Variants in TRIP12 observed in about 807,000 individuals in gnomAD.
The protein encoded by TRIP12 is E3 ubiquitin-protein ligase TRIP12.
In TRIP12, 25 loss-of-function variants were observed where a neutral mutation model predicts 244.2. That is an observed-to-expected ratio of 0.10 (90% CI 0.07 to 0.14). The LOEUF (loss-of-function observed/expected upper bound fraction) is 0.14. TRIP12 is among the 10% of genes least tolerant of loss of function. The pLI is 1.00. For synonymous variants in TRIP12, 905 were observed against 873.1 expected (o/e 1.04, Z -0.64); for missense variants, 1,677 against 2,486.4 (o/e 0.67, Z 6.92).
chr2:229,840,952 T>C (rs980788619), intron 4 of TRIP12, 25 bp from the exon 5 acceptor site: 1 of 1,481,046 alleles, frequency 6.8e-7, no homozygotes. Flanking sequence ...TGGAAAAGTG[T>C]AATTTTATAA....
chr2:229,899,253 A>C (rs987983462), intron 1 of TRIP12, among the ~76,000 whole-genome samples: 5 of 152,178 alleles, frequency 3.3e-5, no homozygotes, highest in South Asian at 2.1e-4. Flanking sequence ...TTATATACGC[A>C]ATCACTTTTT....
At chr2:229,903,785 G>C (rs186629236) in intron 1 of TRIP12, among the ~76,000 whole-genome samples, 76 of 151,268 alleles carry the variant, frequency 5.0e-4, no homozygotes, top group African/African-American at 1.6e-3. Flanking sequence ...GGATGCCAAA[G>C]CAGACAGATC....
Position 229,767,477 on chromosome 2 carries a change from C to A in TRIP12, c.*77G>T. Reference sequence around the variant, plus strand: ...GAAGGCGTAACATGTTTCCTTGACTCAGGTGATAACATTAGAAAAGAAATC... The same window carrying A: ...GAAGGCGTAACATGTTTCCTTGACTAAGGTGATAACATTAGAAAAGAAATC... On this transcript the variant is annotated 3_prime_UTR_variant, in exon 42 of 42. Coordinates refer to ENST00000675903, the MANE Select transcript of TRIP12 (RefSeq NM_001348323.3). The A allele has an allele frequency of 6.8e-7, 1 of 1,475,424 alleles. No homozygotes were observed. The highest frequency in any genetic ancestry group is 9.0e-7 in the Non-Finnish European group (1 of 1,107,160). The allele number at this position is 1,475,424 out of a possible 1,614,324, so 91.4% of individuals were successfully genotyped here.
At chr2:229,814,505 A>G in intron 11 of TRIP12, 180 bp from the exon 12 acceptor site, 1 of 508,708 alleles carries the variant, frequency 2.0e-6, no homozygotes, top group Non-Finnish European at 3.4e-6. Flanking sequence ...GTTTCCTTCT[A>G]ACCAGTTTGC....
chr2:229,871,999 A>G (rs2062688067), intron 2 of TRIP12, among the ~76,000 whole-genome samples: 1 of 151,736 alleles, frequency 6.6e-6, no homozygotes. Flanking sequence ...ACCTGAAACC[A>G]AATGATGAAA....
intron 37 of TRIP12, among the ~76,000 whole-genome samples, chr2:229,774,950 A>G (rs940260328): frequency 6.6e-6 from 1 of 152,242 alleles, no homozygotes; most frequent in African/African-American, 2.4e-5. Flanking sequence ...TGAAAGGCCC[A>G]TGTAAATTTT....
Position 229,788,858 on chromosome 2 carries a change from T to C in TRIP12, c.4778A>G (p.Asp1593Gly), listed in dbSNP as rs1182712998. ...GTTTCCTGTCATGATTACTAAAGGA[T>C]CTTGAAGTTGCCTATTTGCTTTTGC... is the stretch of plus-strand genomic sequence containing the variant. ...LTAKANRQLQ[D>G]PLVIMTGNIP... Residue 1593 changes from aspartate to glycine, a missense_variant, in exon 32 of 42, where the codon GAT becomes GGT. Around this residue, in one of 11 missense-constraint regions of TRIP12, gnomAD observed 265 missense variants for 370.8 expected, o/e 0.71. Coordinates refer to ENST00000675903, the MANE Select transcript of TRIP12 (RefSeq NM_001348323.3). The C allele has an allele frequency of 6.2e-7, 1 of 1,614,074 alleles. No individual in the cohort carries two copies. Among genetic ancestry groups the C allele is most frequent in the South Asian group, 1.1e-5 (1 of 91,082 alleles).
rs79432450 is a variant in TRIP12 at position 229,823,070 on chromosome 2, G to A, written c.1451-4558C>T. ...AAATAAAACAGAGCCAGAGAGACAT[G>A]CTGGATGCAGTGTAAAGTTTAAATG... is the stretch of plus-strand genomic sequence containing the variant. On this transcript the variant is annotated intron_variant, in intron 8 of 41. Coordinates refer to ENST00000675903, the MANE Select transcript of TRIP12 (RefSeq NM_001348323.3). 1.2e-3 allele frequency among the ~76,000 whole-genome samples: 181 copies of A among 152,290 alleles called. 2 individuals are homozygous for A. The East Asian group carries it at 0.017, about 15-fold the overall frequency.
rs2032264882 is a variant in TRIP12 at position 229,767,756 on chromosome 2, T to C, written c.6008-6A>G. The C allele has an allele frequency of 1.9e-6, 3 of 1,599,424 alleles. No individual in the cohort carries two copies. The highest frequency in any genetic ancestry group is 1.7e-4 in the Middle Eastern group (1 of 5,992). On this transcript the variant is annotated splice_polypyrimidine_tract_variant and splice_region_variant and intron_variant, in intron 41 of 41. Transcript: ENST00000675903. ...TGGATTCAAACTCCGGAATCCTGAT[T>C]AAGAGAAAAAGAAAGACAAGGAACT...
chr2:229,876,044 T>C (rs181281543), intron 2 of TRIP12, among the ~76,000 whole-genome samples: 79 of 152,084 alleles, frequency 5.2e-4, no homozygotes, highest in African/African-American at 1.6e-3. Context: ...GAGGCTGAAG[T>C]GGGTGGATCA....
At chr2:229,824,410 T>C (rs2050933835) in intron 8 of TRIP12, among the ~76,000 whole-genome samples, 1 of 152,110 alleles carries the variant, frequency 6.6e-6, no homozygotes, top group African/African-American at 2.4e-5. Context: ...AAACATCGTA[T>C]GCATTTACAC....
At position 229,913,318 on chromosome 2, in the gene TRIP12, TAC is replaced by T. The variant is rs542582770; in HGVS notation, c.-50+8560_-50+8561del. Among the ~76,000 whole-genome samples the T allele has an allele frequency of 2.6e-5, 4 of 152,340 alleles. No homozygotes were observed. In the South Asian group the frequency reaches 6.2e-4, roughly 24 times the overall value. On this transcript the variant is annotated intron_variant, in intron 1 of 41. Transcript: ENST00000675903. ...CTATGCTAAATACTATACTCCTATATACAGTTTTAGACAAATAAGCTGTGATG... is the reference window on the plus strand; with the variant it reads ...CTATGCTAAATACTATACTCCTATATAGTTTTAGACAAATAAGCTGTGATG...
At chr2:229,897,541 C>T (rs916853572) in intron 1 of TRIP12, among the ~76,000 whole-genome samples, 10 of 152,038 alleles carry the variant, frequency 6.6e-5, no homozygotes, top group East Asian at 1.9e-4. Flanking sequence ...CCAGTTACAC[C>T]GGAGGCTGAG....
intron 1 of TRIP12, among the ~76,000 whole-genome samples, chr2:229,889,127 A>T (rs907070743): frequency 6.6e-6 from 1 of 152,230 alleles, no homozygotes; most frequent in African/African-American, 2.4e-5. Context: ...AATTAAGAGC[A>T]TAAGCTTTGG....
chr2:229,916,860 T>TTA (rs2075495917), intron 1 of TRIP12, among the ~76,000 whole-genome samples: 1 of 145,400 alleles, frequency 6.9e-6, no homozygotes, highest in Non-Finnish European at 1.5e-5. Context: ...AAATTTTACT[T>TTA]AAAAAAAAAA....
At chr2:229,780,549 C>T (rs1161752358) in intron 34 of TRIP12, among the ~76,000 whole-genome samples, 2 of 152,216 alleles carry the variant, frequency 1.3e-5, no homozygotes, top group Non-Finnish European at 2.9e-5. Flanking sequence ...CATGACCCCT[C>T]TGCCCACCCT....
rs555307559 is a variant in TRIP12 at position 229,915,808 on chromosome 2, C to T, written c.-50+6072G>A. 3.3e-5 allele frequency among the ~76,000 whole-genome samples: 5 copies of T among 152,272 alleles called. No homozygotes were observed. The South Asian group carries it at 1.0e-3, about 32-fold the overall frequency. ...TCCCAGGCTCAAGCAATCCTCTCAC[C>T]TCAGCCTCCCAGGTAGCTGAAGACT... On this transcript the variant is annotated intron_variant, in intron 1 of 41. Coordinates refer to ENST00000675903, the MANE Select transcript of TRIP12 (RefSeq NM_001348323.3).
chr2:229,767,830 C>G, intron 41 of TRIP12, 80 bp from the exon 42 acceptor site: 2 of 1,363,156 alleles, frequency 1.5e-6, no homozygotes, highest in Non-Finnish European at 2.0e-6. Context: ...ACTGCTTTGC[C>G]GTACAATATT....
chr2:229,866,126 C>T (rs905091474), intron 2 of TRIP12, among the ~76,000 whole-genome samples: 4 of 152,130 alleles, frequency 2.6e-5, no homozygotes, highest in Admixed American at 2.6e-4. Flanking sequence ...ATATGAAAAC[C>T]TTATGAAAAG....
Sources: gnomAD v4.1 joint callset for allele counts (sites outside exome capture counted in the v4.1 genomes callset) on GRCh38, gnomAD v4.1.1 for gene constraint, gnomAD v4.1.1 regional missense constraint, MANE v1.5 for transcripts, NCBI Gene and HGNC (gene_info 2026-07-23, HGNC 2026-07-21) for gene names.